Variants in FARSA observed in about 807,000 individuals in gnomAD.
The protein encoded by FARSA is phenylalanyl-tRNA synthetase subunit alpha.
In FARSA, 37 loss-of-function variants were observed where a neutral mutation model predicts 63.2. The ratio of observed to expected loss-of-function variants is 0.59; its 90% CI spans 0.45 to 0.77. The LOEUF (loss-of-function observed/expected upper bound fraction) is 0.77. Among genes scored for constraint, FARSA ranks in the 30% least tolerant of loss-of-function variants. FARSA has a pLI of 0.00. For missense variants in FARSA, 618 were observed against 696.6 expected, an observed-to-expected ratio of 0.89 and a Z score of 1.27; for synonymous variants, 312 against 285.1, an observed-to-expected ratio of 1.09 and a Z score of -0.95.
chr19:12,928,932 GCTAC>G, intron 4 of FARSA, 85 bp from the exon 5 acceptor site: 1 of 1,163,032 alleles, frequency 8.6e-7, no homozygotes, highest in Non-Finnish European at 1.3e-6. Flanking sequence ...GGATCCCCAT[GCTAC>G]CTACCAAGTC....
chr19:12,926,095 A>T (rs1971323907), intron 7 of FARSA, among the ~76,000 whole-genome samples: 1 of 151,396 alleles, frequency 6.6e-6, no homozygotes, highest in Non-Finnish European at 1.5e-5. Context: ...CAGCCTCCTG[A>T]ATAGATGGGA....
rs34586259 is a variant in FARSA, at chr19:12,928,023, C to CAA, written c.841+317_841+318dup. 9.2e-3 allele frequency among the ~76,000 whole-genome samples: 674 copies of CAA among 73,048 alleles called. 74 individuals are homozygous for CAA. Among genetic ancestry groups the CAA allele is most frequent in the South Asian group, 0.014 (19 of 1,376 alleles). The allele number at this position is 73,048 out of a possible 152,430, so 47.9% of individuals were successfully genotyped here. On this transcript the variant is annotated intron_variant, in intron 7 of 12. Coordinates refer to ENST00000314606, the MANE Select transcript of FARSA (RefSeq NM_004461.3). ...TGGGCGACAGAGTGAGACCCTGTCT[C>CAA]AAAAAAAAAAAAAAAAAAAAAAAAG...
chr19:12,929,242 T>C (rs1440043359), intron 4 of FARSA, among the ~76,000 whole-genome samples: 1 of 152,188 alleles, frequency 6.6e-6, no homozygotes, highest in Non-Finnish European at 1.5e-5. Flanking sequence ...GTTTTGCTCT[T>C]GTTGCCTAGG....
In FARSA at chr19:12,925,175, C is replaced by G; in HGVS notation, c.842-1G>C. Reference sequence around the variant, plus strand: ...GGGAGCTGCAGGGCCTCCGCTGGATCTGGGCAGGACAGAGCAACATCAGGT... The same window carrying G: ...GGGAGCTGCAGGGCCTCCGCTGGATGTGGGCAGGACAGAGCAACATCAGGT... On this transcript the variant is annotated splice_acceptor_variant, in intron 7 of 12. Transcript: ENST00000314606. LOFTEE classifies it high-confidence loss of function. 2 of 1,581,942 alleles carry G rather than the reference C, an allele frequency of 1.3e-6. No homozygotes were observed. Among genetic ancestry groups the G allele is most frequent in the Non-Finnish European group, 1.7e-6 (2 of 1,165,054 alleles).
rs1971419664 is a variant in FARSA at position 12,933,617 on chromosome 19, G to T, written c.80C>A (p.Ala27Glu). The T allele has an allele frequency of 1.3e-6, 2 of 1,557,114 alleles. No individual in the cohort carries two copies. Among genetic ancestry groups the T allele is most frequent in the Non-Finnish European group, 8.7e-7 (1 of 1,155,338 alleles). Residue 27 changes from alanine (A) to glutamate (E), a missense_variant, in exon 1 of 13, where the codon GCG (alanine) becomes GAG (glutamate). Physicochemically the swap from Ala to Glu is moderately radical, Grantham distance 107. Transcript: ENST00000314606. ...CTGGTGCTCCATGCCCAGCTCAGCC[G>T]CCAACTCGGCGCTGTCCAGGCCGCC... ...SDGGLDSAEL[A>E]AELGMEHQAV... is the part of the protein sequence containing the mutation.
chr19:12,924,790 G>T lies in FARSA; in HGVS notation c.1044C>A (p.Val348=). 1 of 1,606,176 alleles carries T rather than the reference G, an allele frequency of 6.2e-7. No individual in the cohort carries two copies. The highest frequency in any genetic ancestry group is 1.1e-5 in the South Asian group (1 of 90,530). ...RLAQKKPFTP[V]KYFSIDRVFR... ...ATACGCGGTCGATGGAGAAGTACTT[G>T]ACCGGAGTGAAGGGCTTCTAGGGGT... Residue 348 remains valine, a synonymous_variant, in exon 10 of 13, where the codon GTC becomes GTA. Transcript: ENST00000314606. The surrounding 1 kb of genome is among the most constrained non-coding windows in gnomAD (Gnocchi z 6.4).
intron 7 of FARSA, among the ~76,000 whole-genome samples, chr19:12,926,520 G>C (rs1014083564): frequency 1.4e-5 from 2 of 143,442 alleles, no homozygotes; most frequent in Non-Finnish European, 3.1e-5. Flanking sequence ...CGATCCGCCC[G>C]TCTCAGCCTC....
Position 12,924,011 on chromosome 19 carries a change from C to G in FARSA, c.1388+140G>C. 1 of 677,670 alleles carries G rather than the reference C, an allele frequency of 1.5e-6. No individual in the cohort carries two copies. The highest frequency in any genetic ancestry group is 2.6e-6 in the Non-Finnish European group (1 of 378,426). 42.0% of individuals were successfully genotyped at this position (677,670 alleles called of 1,614,324 possible). A position where few individuals can be genotyped will look rare whatever the true frequency, so the allele number is the denominator to read the frequency against. On this transcript the variant is annotated intron_variant, in intron 12 of 12. Transcript: ENST00000314606. This position sits in a 1 kb window ranked among gnomAD's most constrained non-coding sequence, Gnocchi z 6.4. ...AAGCTGTCATGTTCACAGCACGGGG[C>G]TGAGCATTCAGTTTGTACTCACGAT...
Position 12,930,311 on chromosome 19 carries a change from G to A in FARSA, c.415C>T (p.Arg139Trp), listed in dbSNP as rs567765980. Residue 139 changes from arginine to tryptophan, a missense_variant, in exon 4 of 13, where the codon CGG becomes TGG. Physicochemically the swap from Arg to Trp is moderately radical, Grantham distance 101. Coordinates refer to ENST00000314606, the MANE Select transcript of FARSA (RefSeq NM_004461.3). ...VDSMEDEVQR[R>W]LQLVRGGQAE... ...TGTCCCCCCCGGACCAGCTGGAGCC[G>A]CCGCTGCACCTCATCCTCCATGCTG... 21 of 1,613,988 alleles carry A rather than the reference G, an allele frequency of 1.3e-5. 1 individual carries two copies. Among genetic ancestry groups the A allele is most frequent in the Admixed American group, 8.3e-5 (5 of 60,004 alleles).
intron 1 of FARSA, among the ~76,000 whole-genome samples, chr19:12,931,029 C>G (rs572414423): frequency 6.6e-6 from 1 of 152,284 alleles, no homozygotes; most frequent in African/African-American, 2.4e-5. Context: ...CAAATTCTGT[C>G]GGTTTTGAAC....
intron 7 of FARSA, among the ~76,000 whole-genome samples, chr19:12,925,775 G>C (rs1859986401): frequency 3.3e-5 from 5 of 151,212 alleles, no homozygotes; most frequent in Admixed American, 3.3e-4. Flanking sequence ...CCAGGTTCAA[G>C]CAATTCTCCT....
In FARSA at chr19:12,928,409, G is replaced by A. The variant is rs1971351391; in HGVS notation, c.774C>T (p.Asn258=). The A allele has an allele frequency of 1.9e-6, 3 of 1,614,042 alleles. No individual in the cohort carries two copies. In the South Asian group the frequency reaches 3.3e-5, roughly 18 times the overall value. The part of the protein sequence containing the change: ...TDNFIESSFW[N]FDALFQPQQH... ...GCTGGGGCTGGAAGAGGGCGTCAAAGTTCCAGAAGGAGCTCTCAATGAAGT... is the reference window on the plus strand; with the variant it reads ...GCTGGGGCTGGAAGAGGGCGTCAAAATTCCAGAAGGAGCTCTCAATGAAGT... The change falls in exon 7 of 13, where the codon AAC becomes AAT. Residue 258 remains asparagine (N), a synonymous_variant. Coordinates refer to ENST00000314606, the MANE Select transcript of FARSA (RefSeq NM_004461.3).
chr19:12,924,519 C>T lies in FARSA; in HGVS notation c.1203G>A (p.Thr401=), dbSNP rs762957147. The T allele has an allele frequency of 3.2e-5, 51 of 1,613,378 alleles. No individual in the cohort carries two copies. The highest frequency in any genetic ancestry group is 1.6e-4 in the Middle Eastern group (1 of 6,084). Residue 401 remains threonine, a synonymous_variant, in exon 11 of 13, where the codon ACG becomes ACA. Transcript: ENST00000314606. The surrounding 1 kb of genome is among the most constrained non-coding windows in gnomAD (Gnocchi z 6.4). ...LREFFTKLGI[T]QLRFKPAYNP... is the part of the protein sequence containing the mutation. ...TGTAGGCTGGCTTGAAGCGGAGTTGCGTGATACCTGCAGGAAGTGGGGGGC... is the reference window on the plus strand; with the variant it reads ...TGTAGGCTGGCTTGAAGCGGAGTTGTGTGATACCTGCAGGAAGTGGGGGGC...
intron 12 of FARSA, among the ~76,000 whole-genome samples, chr19:12,923,762 G>C (rs1461283044): frequency 6.6e-6 from 1 of 152,222 alleles, no homozygotes; most frequent in South Asian, 2.1e-4. Context: ...TTACAGGCAT[G>C]TGCCACCACG....
At position 12,930,243 on chromosome 19, in the gene FARSA, C is replaced by T; in HGVS notation, c.483G>A (p.Lys161=). The change falls in exon 4 of 13, where the codon AAG becomes AAA. Residue 161 remains lysine, a synonymous_variant. Coordinates refer to ENST00000314606, the MANE Select transcript of FARSA (RefSeq NM_004461.3). ...CTCACACTTCAGCCAACAGCTTCCT[C>T]TTCCTCAGCTCGCTCCTCTCCTTCT... ...LGEKERSELR[K]RKLLAEVTLK... 6.2e-7 allele frequency: 1 copy of T among 1,614,126 alleles called. No individual in the cohort carries two copies. Among genetic ancestry groups the T allele is most frequent in the South Asian group, 1.1e-5 (1 of 91,090 alleles).
In FARSA at chr19:12,922,603, G is replaced by A; in HGVS notation, c.*145C>T. On this transcript the variant is annotated 3_prime_UTR_variant, in exon 13 of 13. Transcript: ENST00000314606. ...CTGCTACCCAGTCCTCTGTCCCTGG[G>A]ATTCTGGTCCTGGGACAGGTGGGAA... 1.0e-6 allele frequency: 1 copy of A among 992,454 alleles called. No homozygotes were observed. Among genetic ancestry groups the A allele is most frequent in the Non-Finnish European group, 1.5e-6 (1 of 678,412 alleles). 61.5% of individuals were successfully genotyped at this position (992,454 alleles called of 1,614,324 possible).
intron 1 of FARSA, chr19:12,933,310 C>T (rs1338802125): frequency 1.0e-5 from 5 of 492,978 alleles, no homozygotes; most frequent in African/African-American, 2.0e-5. Flanking sequence ...GCGACTTCCT[C>T]GTCCATCATC....
At chr19:12,928,995 T>A (rs1177111697) in intron 4 of FARSA, 148 bp from the exon 5 acceptor site, 1 of 712,112 alleles carries the variant, frequency 1.4e-6, no homozygotes, top group African/African-American at 1.7e-5. Flanking sequence ...GAAATCCTCC[T>A]ATGTGACCAT....
chr19:12,925,990 A>C (rs1971322253), intron 7 of FARSA, among the ~76,000 whole-genome samples: 1 of 147,088 alleles, frequency 6.8e-6, no homozygotes, highest in Non-Finnish European at 1.5e-5. Context: ...TTTTTTTGAG[A>C]CGGAGTCTCG....
Sources: allele counts gnomAD v4.1 joint callset (sites outside exome capture counted in the v4.1 genomes callset), GRCh38; gene constraint gnomAD v4.1.1; non-coding constraint Gnocchi (gnomAD v3.1); transcripts MANE v1.5; gene names NCBI Gene and HGNC (gene_info 2026-07-23, HGNC 2026-07-21).